Variants in IST1 observed in about 807,000 individuals in gnomAD.
IST1 encodes IST1 factor associated with ESCRT-III.
In IST1, 23 loss-of-function variants were observed where a neutral mutation model predicts 37.0. The observed-to-expected ratio is 0.62, with a 90% CI of 0.45 to 0.88. The LOEUF is 0.88. Among genes scored for constraint, IST1 ranks in the 40% least tolerant of loss-of-function variants. IST1 has a pLI of 0.00. For missense variants in IST1, 488 were observed against 445.4 expected, an observed-to-expected ratio of 1.10 and a Z score of -0.86; for synonymous variants, 180 against 161.7, an observed-to-expected ratio of 1.11 and a Z score of -0.86.
intron 4 of IST1, among the ~76,000 whole-genome samples, chr16:71,918,607 G>A (rs1417265130): frequency 1.3e-5 from 2 of 151,948 alleles, no homozygotes; most frequent in Non-Finnish European, 2.9e-5. Flanking sequence ...TGGTAGAGAC[G>A]GGATTTCATC....
Position 71,930,047 on chromosome 16 carries a change from C to T in IST1, c.*2234C>T, listed in dbSNP as rs957272835. The T allele has an allele frequency of 1.6e-5, 24 of 1,545,614 alleles. No individual in the cohort carries two copies. The Middle Eastern group carries it at 5.0e-4, about 32-fold the overall frequency. ...AGCATGCTAGTTTATCTTTTAGTTA[C>T]CTACCTTAAGCGACTTTCTTTCTTT... On this transcript the variant is annotated 3_prime_UTR_variant, in exon 10 of 10. Transcript: ENST00000378799.
intron 4 of IST1, 130 bp from the exon 5 acceptor site, chr16:71,920,609 C>G (rs2037557504): frequency 4.7e-6 from 3 of 641,760 alleles, no homozygotes; most frequent in Non-Finnish European, 8.5e-6. Context: ...ATGCATACCC[C>G]TTAAGGTTTT....
Position 71,921,423 on chromosome 16 carries a change from C to T in IST1, c.522C>T (p.Asn174=), listed in dbSNP as rs372455915. The stretch of plus-strand genomic sequence containing the variant: ...TGATTGAAATTGCAAAGAATTACAA[C>T]GTACCCTATGAACCTGACTCTGTGG... The part of the protein sequence containing the change: ...RYLIEIAKNY[N]VPYEPDSVVM... The change falls in exon 6 of 10, where the codon AAC becomes AAT. Residue 174 remains asparagine, a synonymous_variant. Coordinates refer to ENST00000378799, the MANE Select transcript of IST1 (RefSeq NM_001270975.2). 163 of 1,611,808 alleles carry T rather than the reference C, an allele frequency of 1.0e-4. No homozygotes were observed. The highest frequency in any genetic ancestry group is 1.6e-4 in the Middle Eastern group (1 of 6,080).
intron 1 of IST1, among the ~76,000 whole-genome samples, chr16:71,906,072 C>G (rs950058649): frequency 1.3e-5 from 2 of 149,310 alleles, no homozygotes; most frequent in South Asian, 2.1e-4. Context: ...GGTGCCATCT[C>G]GGCTCACTGC....
chr16:71,895,550 G>T lies in IST1; in HGVS notation c.-55G>T. On this transcript the variant is annotated 5_prime_UTR_variant, in exon 1 of 10. The change creates a premature stop within an existing upstream ORF in the 5' untranslated region. Coordinates refer to ENST00000378799, the MANE Select transcript of IST1 (RefSeq NM_001270975.2). The stretch of plus-strand genomic sequence containing the variant: ...GTCGCCATTTTGGATGGTGAACCCT[G>T]AAGTCGGTGTCTGCTGCGTTCACGG... 1.0e-6 allele frequency: 1 copy of T among 985,728 alleles called. No individual in the cohort carries two copies. Among genetic ancestry groups the T allele is most frequent in the African/African-American group, 1.7e-5 (1 of 57,376 alleles). 61.1% of individuals were successfully genotyped at this position (985,728 alleles called of 1,614,324 possible).
Position 71,931,114 on chromosome 16 carries a change from C to A in IST1, c.*3301C>A, listed in dbSNP as rs1389090630. On this transcript the variant is annotated 3_prime_UTR_variant, in exon 10 of 10. Transcript: ENST00000378799. ...TCTATTTGTTTTTTAATGTTTTTTACTTTATGTTTACTGTATTTTTATGTA... is the reference window on the plus strand; with the variant it reads ...TCTATTTGTTTTTTAATGTTTTTTAATTTATGTTTACTGTATTTTTATGTA... The A allele has an allele frequency of 6.6e-6, 1 of 151,978 alleles. No homozygotes were observed. The highest frequency in any genetic ancestry group is 1.5e-5 in the Non-Finnish European group (1 of 67,994). 9.4% of individuals were successfully genotyped at this position (151,978 alleles called of 1,614,324 possible). A position where few individuals can be genotyped will look rare whatever the true frequency, so the allele number is the denominator to read the frequency against.
intron 1 of IST1, among the ~76,000 whole-genome samples, chr16:71,915,303 A>G (rs1018569924): frequency 1.3e-5 from 2 of 152,072 alleles, no homozygotes; most frequent in East Asian, 1.9e-4. Flanking sequence ...TCTGTCACCA[A>G]ATTCTTTCAG....
In IST1 at chr16:71,927,726, A is replaced by G. The variant is rs1241592790; in HGVS notation, c.1014A>G (p.Ala338=). ...CTGTGCCAGACACACTACCAACTGC[A>G]TCTGCTGGTGCCAGCACCTCAGCAT... is the stretch of plus-strand genomic sequence containing the variant. ...LPSVPDTLPT[A]SAGASTSASE... Residue 338 remains alanine (A), a synonymous_variant, in exon 10 of 10, where the codon GCA becomes GCG. Transcript: ENST00000378799. 5.0e-6 allele frequency: 8 copies of G among 1,613,264 alleles called. No individual in the cohort carries two copies. The highest frequency in any genetic ancestry group is 6.8e-6 in the Non-Finnish European group (8 of 1,179,190).
At chr16:71,910,597 C>T (rs1223072946) in intron 1 of IST1, among the ~76,000 whole-genome samples, 1 of 144,422 alleles carries the variant, frequency 6.9e-6, no homozygotes, top group Non-Finnish European at 1.5e-5. Context: ...CAGAGCAAGA[C>T]TCTGTCTCAA....
At position 71,930,140 on chromosome 16, in the gene IST1, G is replaced by T; in HGVS notation, c.*2327G>T. On this transcript the variant is annotated 3_prime_UTR_variant, in exon 10 of 10. Transcript: ENST00000378799. ...CACAAGTACCATCAAGATGACACTGGTGAGGATCAGAAAGGTGCCCAGGAC... is the reference window on the plus strand; with the variant it reads ...CACAAGTACCATCAAGATGACACTGTTGAGGATCAGAAAGGTGCCCAGGAC... The T allele has an allele frequency of 6.4e-7, 1 of 1,551,624 alleles. No homozygotes were observed. The highest frequency in any genetic ancestry group is 1.2e-5 in the South Asian group (1 of 84,050).
At chr16:71,923,748 C>T (rs1473682129) in intron 8 of IST1, among the ~76,000 whole-genome samples, 4 of 152,200 alleles carry the variant, frequency 2.6e-5, no homozygotes, top group Admixed American at 1.3e-4. Flanking sequence ...AATATTAGTC[C>T]TATGTGTTCT....
At chr16:71,918,638 G>C (rs184185396) in intron 4 of IST1, among the ~76,000 whole-genome samples, 1 of 152,188 alleles carries the variant, frequency 6.6e-6, no homozygotes, top group East Asian at 1.9e-4. Context: ...GGCTGGTCTC[G>C]AACTCCTGAC....
chr16:71,897,755 G>A (rs1333953465), intron 1 of IST1, among the ~76,000 whole-genome samples: 2 of 151,992 alleles, frequency 1.3e-5, no homozygotes, highest in East Asian at 3.9e-4. Flanking sequence ...AGACCAGCCT[G>A]GACAACATGG....
At chr16:71,924,246 C>T (rs1337704139) in intron 8 of IST1, 1 of 447,878 alleles carries the variant, frequency 2.2e-6, no homozygotes, top group Middle Eastern at 3.3e-4. Flanking sequence ...TCCCTTTGCC[C>T]AAAGGTGAAA....
intron 1 of IST1, among the ~76,000 whole-genome samples, chr16:71,901,059 A>G (rs2037096829): frequency 6.6e-6 from 1 of 152,228 alleles, no homozygotes; most frequent in Non-Finnish European, 1.5e-5. Flanking sequence ...TAATGTATAT[A>G]TGAATAGTAA....
chr16:71,905,944 T>A (rs2037213837), intron 1 of IST1, among the ~76,000 whole-genome samples: 1 of 152,168 alleles, frequency 6.6e-6, no homozygotes, highest in African/African-American at 2.4e-5. Flanking sequence ...CTTTATAATG[T>A]TCTGGGTTTC....
chr16:71,895,231 G>C (rs1306666165), upstream of IST1: 1 of 171,200 alleles, frequency 5.8e-6, no homozygotes, highest in Non-Finnish European at 1.3e-5. Context: ...CGTGGGCGCA[G>C]AGTCCGAGAA....
rs969803676 is a variant in IST1 at position 71,912,214 on chromosome 16, T to G, written c.-15-3412T>G. On this transcript the variant is annotated intron_variant, in intron 1 of 9. Coordinates refer to ENST00000378799, the MANE Select transcript of IST1 (RefSeq NM_001270975.2). ...TACAAAATAATTTTATGTCTCTTCTTAAAAAGGCCTGTTCTGTCTCCATTA... is the reference window on the plus strand; with the variant it reads ...TACAAAATAATTTTATGTCTCTTCTGAAAAAGGCCTGTTCTGTCTCCATTA... Among the ~76,000 whole-genome samples, 21 of 152,218 alleles carry G rather than the reference T, an allele frequency of 1.4e-4. No individual in the cohort carries two copies. In the East Asian group the frequency reaches 4.1e-3, roughly 29 times the overall value.
At chr16:71,919,214 C>T (rs577303737) in intron 4 of IST1, among the ~76,000 whole-genome samples, 23 of 152,224 alleles carry the variant, frequency 1.5e-4, no homozygotes, top group Non-Finnish European at 2.2e-4. Flanking sequence ...CATTGTCTGG[C>T]TCCCACTTCC....
Sources: allele counts gnomAD v4.1 joint callset (sites outside exome capture counted in the v4.1 genomes callset), GRCh38; gene constraint gnomAD v4.1.1; transcripts MANE v1.5; gene names NCBI Gene and HGNC (gene_info 2026-07-23, HGNC 2026-07-21).